The following RORB variants were observed in gnomAD, a reference collection of about 807,000 sequenced individuals.
RORB encodes the protein nuclear receptor ROR-beta.
RORB carries 6 observed loss-of-function variants against 59.1 expected under a neutral mutation model. That is an observed-to-expected ratio of 0.10 (90% CI 0.06 to 0.20). RORB has a LOEUF of 0.20. Among genes scored for constraint, RORB ranks in the 10% least tolerant of loss-of-function variants. RORB has a pLI of 1.00. For synonymous variants in RORB, 215 were observed against 204.5 expected (o/e 1.05, Z -0.44); for missense variants, 320 against 560.5 (o/e 0.57, Z 4.33).
At chr9:74,639,196 C>T (rs1397328936) in intron 3 of RORB, among the ~76,000 whole-genome samples, 1 of 152,208 alleles carries the variant, frequency 6.6e-6, no homozygotes, top group East Asian at 1.9e-4. Flanking sequence ...TCACATATCC[C>T]CCAGCAAGCT....
chr9:74,626,138 AAAG>A (rs2118401915), intron 1 of RORB, among the ~76,000 whole-genome samples: 1 of 152,252 alleles, frequency 6.6e-6, no homozygotes, highest in South Asian at 2.1e-4. Context: ...AACTCTAAAC[AAAG>A]AAGGGGTTTT....
chr9:74,576,459 G>A, intron 1 of RORB, among the ~76,000 whole-genome samples: 1 of 41,932 alleles, frequency 2.4e-5, no homozygotes, highest in African/African-American at 9.7e-5. Context: ...TAGGCTTAGG[G>A]AGAAAGAGAA....
chr9:74,501,933 A>G (rs140162368), intron 1 of RORB, among the ~76,000 whole-genome samples: 2 of 152,336 alleles, frequency 1.3e-5, no homozygotes, highest in East Asian at 3.9e-4. Context: ...TTTACTTAAA[A>G]CTTACTAATC....
At chr9:74,624,787 A>G (rs538406438) in intron 1 of RORB, among the ~76,000 whole-genome samples, 14 of 152,342 alleles carry the variant, frequency 9.2e-5, no homozygotes, top group Non-Finnish European at 1.3e-4. Flanking sequence ...AACTTGGGCT[A>G]CTGAGACCAT....
rs1423055564 is a variant in RORB at position 74,585,415 on chromosome 9, CTTTTA to C, written c.8-44862_8-44858del. 5.3e-5 allele frequency among the ~76,000 whole-genome samples: 8 copies of C among 152,290 alleles called. No individual in the cohort carries two copies. The South Asian group carries it at 1.7e-3, about 32-fold the overall frequency. ...AACATATTCTATATAAAACCCCACA[CTTTTA>C]TTTTCTTTTAATGTAAGCAGGTGTC... is the stretch of plus-strand genomic sequence containing the variant. On this transcript the variant is annotated intron_variant, in intron 1 of 9. Transcript: ENST00000376896.
chr9:74,614,288 C>A (rs536885040), intron 1 of RORB, among the ~76,000 whole-genome samples: 1 of 152,224 alleles, frequency 6.6e-6, no homozygotes, highest in African/African-American at 2.4e-5. Context: ...GTTGGGCTAA[C>A]ACAAAGAGAT....
chr9:74,533,580 C>A (rs1432513058), intron 1 of RORB, among the ~76,000 whole-genome samples: 3 of 151,946 alleles, frequency 2.0e-5, no homozygotes, highest in Non-Finnish European at 4.4e-5. Context: ...AATCTACTCC[C>A]CAACACACAC....
At chr9:74,626,701 C>T (rs866972693) in intron 1 of RORB, among the ~76,000 whole-genome samples, 56 of 152,242 alleles carry the variant, frequency 3.7e-4, no homozygotes, top group African/African-American at 1.1e-3. Context: ...AGTTGGAAAC[C>T]GTAGTCAACA....
At chr9:74,682,815 C>G (rs769113825) in intron 9 of RORB, among the ~76,000 whole-genome samples, 1 of 152,208 alleles carries the variant, frequency 6.6e-6, no homozygotes, top group Non-Finnish European at 1.5e-5. Context: ...TGGTCTCAAA[C>G]TCCTGGCTTC....
In RORB at chr9:74,660,681, G is replaced by A. The variant is rs1237326915; in HGVS notation, c.702G>A (p.Leu234=). ...CATGTCAATACACCATGGAAGAGCT[G>A]CACCAGCTGGCGTGGCAGACCCACA... is the stretch of plus-strand genomic sequence containing the variant. ...LETCQYTMEE[L]HQLAWQTHTY... Residue 234 remains leucine, a synonymous_variant, in exon 5 of 10, where the codon CTG becomes CTA. Transcript: ENST00000376896. 6.2e-7 allele frequency: 1 copy of A among 1,613,828 alleles called. No homozygotes were observed. The highest frequency in any genetic ancestry group is 1.1e-5 in the South Asian group (1 of 91,040).
At chr9:74,572,914 T>C (rs542067979) in intron 1 of RORB, among the ~76,000 whole-genome samples, 1 of 152,340 alleles carries the variant, frequency 6.6e-6, no homozygotes, top group Admixed American at 6.5e-5. Flanking sequence ...ATCGAACAAC[T>C]GTTCCAAAAT....
At chr9:74,577,282 C>T (rs185152669) in intron 1 of RORB, among the ~76,000 whole-genome samples, 1 of 152,006 alleles carries the variant, frequency 6.6e-6, no homozygotes, top group Non-Finnish European at 1.5e-5. Context: ...AGAGTCCTAT[C>T]CTCCTTTTAA....
intron 1 of RORB, among the ~76,000 whole-genome samples, chr9:74,505,982 A>G (rs1181051462): frequency 6.6e-6 from 1 of 151,924 alleles, no homozygotes. Context: ...TTTAAAAAAA[A>G]AAAAGTATCA....
chr9:74,621,903 C>T (rs1188132194), intron 1 of RORB, among the ~76,000 whole-genome samples: 1 of 152,160 alleles, frequency 6.6e-6, no homozygotes, highest in Non-Finnish European at 1.5e-5. Context: ...TATTTTGCCA[C>T]TTTTTGAATT....
At chr9:74,622,841 T>A (rs879782247) in intron 1 of RORB, among the ~76,000 whole-genome samples, 8 of 152,094 alleles carry the variant, frequency 5.3e-5, no homozygotes, top group Admixed American at 5.2e-4. Flanking sequence ...CAGATTCTTA[T>A]AGGCCCAGGG....
At chr9:74,652,363 G>A (rs535153937) in intron 4 of RORB, among the ~76,000 whole-genome samples, 32 of 152,158 alleles carry the variant, frequency 2.1e-4, no homozygotes, top group Non-Finnish European at 3.4e-4. Context: ...AGCCAAGATG[G>A]CACCACTGCA....
chr9:74,617,596 A>G (rs2118374746), intron 1 of RORB, among the ~76,000 whole-genome samples: 1 of 152,324 alleles, frequency 6.6e-6, no homozygotes, highest in South Asian at 2.1e-4. Context: ...CAGTATCAGC[A>G]GAACAGGCGC....
chr9:74,592,307 C>T (rs1193051432), intron 1 of RORB, among the ~76,000 whole-genome samples: 2 of 152,096 alleles, frequency 1.3e-5, no homozygotes, highest in African/African-American at 4.8e-5. Context: ...CCTACTGAAC[C>T]AGAATCTTAT....
At chr9:74,568,644 G>C (rs889809382) in intron 1 of RORB, among the ~76,000 whole-genome samples, 3 of 147,818 alleles carry the variant, frequency 2.0e-5, no homozygotes, top group Non-Finnish European at 4.4e-5. Flanking sequence ...AGGTTGAAGT[G>C]AGCCAAGGTC....
Sources: allele counts gnomAD v4.1 joint callset (sites outside exome capture counted in the v4.1 genomes callset), GRCh38; gene constraint gnomAD v4.1.1; transcripts MANE v1.5; gene names NCBI Gene and HGNC (gene_info 2026-07-23, HGNC 2026-07-21).